Variants in NEGR1 observed in about 807,000 individuals in gnomAD.
The protein encoded by NEGR1 is IgLON family member 4.
A neutral mutation model predicts 40.9 loss-of-function variants in NEGR1; 10 were observed. The ratio of observed to expected loss-of-function variants is 0.24; its 90% CI spans 0.15 to 0.42. NEGR1 has a LOEUF of 0.42. Among genes scored for constraint, NEGR1 ranks in the 10% least tolerant of loss-of-function variants. The pLI, the probability that NEGR1 is intolerant of heterozygous loss-of-function variation, is 1.00. For missense variants in NEGR1, 352 were observed against 438.9 expected (o/e 0.80, Z 1.77); for synonymous variants, 185 against 166.8 (o/e 1.11, Z -0.84).
intron 4 of NEGR1, among the ~76,000 whole-genome samples, chr1:71,636,002 T>A (rs144615305): frequency 6.6e-6 from 1 of 152,192 alleles, no homozygotes; most frequent in Non-Finnish European, 1.5e-5. Flanking sequence ...ACAATAGAAG[T>A]AACTGGTATT....
chr1:71,823,155 T>C (rs543759370), intron 2 of NEGR1, among the ~76,000 whole-genome samples: 13 of 151,770 alleles, frequency 8.6e-5, no homozygotes, highest in African/African-American at 3.1e-4. Context: ...AATATCCCAA[T>C]GTATAGAGTA....
chr1:72,194,800 CAG>C (rs1268848866), intron 1 of NEGR1, among the ~76,000 whole-genome samples: 3 of 152,090 alleles, frequency 2.0e-5, no homozygotes, highest in Non-Finnish European at 4.4e-5. Flanking sequence ...AGTAGCTTTT[CAG>C]AGTTTCTAAT....
intron 1 of NEGR1, among the ~76,000 whole-genome samples, chr1:72,064,177 G>C (rs1463614087): frequency 6.6e-6 from 1 of 151,940 alleles, no homozygotes; most frequent in African/African-American, 2.4e-5. Context: ...AATTAGGTCT[G>C]TGTCATTTAT....
chr1:72,224,646 T>C (rs926435330), intron 1 of NEGR1, among the ~76,000 whole-genome samples: 1 of 152,124 alleles, frequency 6.6e-6, no homozygotes, highest in Non-Finnish European at 1.5e-5. Context: ...AGGTAGAGTA[T>C]TGCAGAGTCT....
chr1:71,972,579 GAA>G (rs908003897), intron 1 of NEGR1, among the ~76,000 whole-genome samples: 2 of 152,042 alleles, frequency 1.3e-5, no homozygotes, highest in Non-Finnish European at 2.9e-5. Context: ...TCTGATGTGT[GAA>G]AAAGGTCACT....
chr1:71,942,473 A>AT (rs1645970913), intron 1 of NEGR1, among the ~76,000 whole-genome samples: 1 of 13,112 alleles, frequency 7.6e-5, no homozygotes, highest in African/African-American at 2.4e-4. Context: ...ATATATATAT[A>AT]TATATATATA....
At chr1:72,101,833 G>GA (rs1444333360) in intron 1 of NEGR1, among the ~76,000 whole-genome samples, 2 of 152,128 alleles carry the variant, frequency 1.3e-5, no homozygotes, top group African/African-American at 4.8e-5. Flanking sequence ...ATGAATGCTA[G>GA]AAGTCAAATT....
intron 6 of NEGR1, among the ~76,000 whole-genome samples, chr1:71,429,882 T>C (rs1000703356): frequency 6.6e-6 from 1 of 152,230 alleles, no homozygotes; most frequent in Admixed American, 6.5e-5. Flanking sequence ...TACTTACTTA[T>C]GAAGGATTCA....
intron 3 of NEGR1, among the ~76,000 whole-genome samples, chr1:71,747,101 T>C (rs1447344941): frequency 1.3e-5 from 2 of 152,188 alleles, no homozygotes; most frequent in Non-Finnish European, 2.9e-5. Context: ...GACTATTTCC[T>C]CTAGTGAATA....
intron 2 of NEGR1, among the ~76,000 whole-genome samples, chr1:71,925,702 A>G (rs991906737): frequency 1.3e-4 from 19 of 150,288 alleles, no homozygotes; most frequent in Non-Finnish European, 2.2e-4. Context: ...CTTTATAGTG[A>G]TATCTTAATT....
At chr1:72,218,973 C>T (rs1481318158) in intron 1 of NEGR1, among the ~76,000 whole-genome samples, 8 of 151,944 alleles carry the variant, frequency 5.3e-5, no homozygotes, top group Non-Finnish European at 1.2e-4. Context: ...TTAGGACTGA[C>T]CAGGGCACTC....
At chr1:72,218,244 T>C (rs924475432) in intron 1 of NEGR1, among the ~76,000 whole-genome samples, 2 of 151,938 alleles carry the variant, frequency 1.3e-5, no homozygotes, top group African/African-American at 4.8e-5. Flanking sequence ...TTGGAAGACA[T>C]AAATTGTCAT....
chr1:72,232,456 CTCCT>C (rs1654398429), intron 1 of NEGR1, among the ~76,000 whole-genome samples: 1 of 151,992 alleles, frequency 6.6e-6, no homozygotes. Flanking sequence ...TTAGTATATT[CTCCT>C]TCCTTAAAGA....
intron 2 of NEGR1, among the ~76,000 whole-genome samples, chr1:71,867,432 T>C (rs1660150959): frequency 6.6e-6 from 1 of 152,194 alleles, no homozygotes; most frequent in African/African-American, 2.4e-5. Flanking sequence ...CAAAATTGTT[T>C]CATTATTATG....
At chr1:71,963,692 CTT>C (rs1347597396) in intron 1 of NEGR1, among the ~76,000 whole-genome samples, 1 of 152,068 alleles carries the variant, frequency 6.6e-6, no homozygotes, top group Non-Finnish European at 1.5e-5. Context: ...TGCAAACAAA[CTT>C]TATTAAAATG....
At chr1:71,662,419 C>T (rs1241778562) in intron 4 of NEGR1, among the ~76,000 whole-genome samples, 2 of 152,104 alleles carry the variant, frequency 1.3e-5, no homozygotes, top group Non-Finnish European at 2.9e-5. Context: ...AGAATAGCTC[C>T]TCCCTTTGTT....
chr1:71,928,439 C>T (rs1373244625), intron 2 of NEGR1, among the ~76,000 whole-genome samples: 2 of 84,328 alleles, frequency 2.4e-5, no homozygotes, highest in African/African-American at 4.1e-5. Flanking sequence ...TATATATACA[C>T]ATATATATGT....
chr1:72,216,985 A>C (rs1022196186), intron 1 of NEGR1, among the ~76,000 whole-genome samples: 96 of 151,588 alleles, frequency 6.3e-4, no homozygotes, highest in African/African-American at 2.0e-3. Context: ...TGATTTTTCT[A>C]ATGCAGCTTT....
In NEGR1 at chr1:71,535,649, G is replaced by T. The variant is rs148606766; in HGVS notation, c.940+57168C>A. ...AAGTTGGTTGAGTTGGAGATTCATG[G>T]TTGCACACAGGGCTAGATGAGGATG... On this transcript the variant is annotated intron_variant, in intron 6 of 6. Coordinates refer to ENST00000357731, the MANE Select transcript of NEGR1 (RefSeq NM_173808.3). 9.9e-5 allele frequency among the ~76,000 whole-genome samples: 15 copies of T among 151,750 alleles called. No homozygotes were observed. The East Asian group carries it at 2.9e-3, about 30-fold the overall frequency.
Sources: gnomAD v4.1 joint callset for allele counts (sites outside exome capture counted in the v4.1 genomes callset) on GRCh38, gnomAD v4.1.1 for gene constraint, MANE v1.5 for transcripts, NCBI Gene and HGNC (gene_info 2026-07-23, HGNC 2026-07-21) for gene names.